AGBL4: variants seen among roughly 807,000 people sequenced by gnomAD.
The protein encoded by AGBL4 is cytosolic carboxypeptidase 6.
In AGBL4, 58 loss-of-function variants were observed where a neutral mutation model predicts 66.4. The observed-to-expected ratio is 0.87, with a 90% CI of 0.71 to 1.09. The LOEUF (loss-of-function observed/expected upper bound fraction) is 1.09. Among genes scored for constraint, AGBL4 ranks in the 50% least tolerant of loss-of-function variants. AGBL4 has a pLI of 0.00. For synonymous variants in AGBL4, 234 were observed against 222.9 expected (o/e 1.05, Z -0.44); for missense variants, 579 against 631.0 (o/e 0.92, Z 0.88).
intron 6 of AGBL4, among the ~76,000 whole-genome samples, chr1:48,714,145 C>T (rs1647010413): frequency 6.6e-6 from 1 of 152,180 alleles, no homozygotes; most frequent in Non-Finnish European, 1.5e-5. Flanking sequence ...ACTTCATAGG[C>T]CATCACCTGT....
At chr1:49,111,442 C>A (rs1185952866) in intron 4 of AGBL4, among the ~76,000 whole-genome samples, 5 of 152,154 alleles carry the variant, frequency 3.3e-5, no homozygotes, top group Non-Finnish European at 7.3e-5. Context: ...AATGTCTTTC[C>A]CACTAGAGGC....
intron 4 of AGBL4, among the ~76,000 whole-genome samples, chr1:49,064,139 C>T (rs1027227804): frequency 1.1e-4 from 16 of 152,168 alleles, no homozygotes; most frequent in African/African-American, 3.6e-4. Flanking sequence ...ATATAAACAC[C>T]AGTAGGCTAC....
chr1:49,620,601 A>G (rs1376876657), intron 3 of AGBL4, among the ~76,000 whole-genome samples: 1 of 152,200 alleles, frequency 6.6e-6, no homozygotes, highest in East Asian at 1.9e-4. Flanking sequence ...CATTTGACCA[A>G]GGTTTTGAAT....
chr1:48,679,972 G>A (rs1416792245), intron 6 of AGBL4, among the ~76,000 whole-genome samples: 1 of 152,190 alleles, frequency 6.6e-6, no homozygotes, highest in East Asian at 1.9e-4. Context: ...CCTGGGGAGA[G>A]ACTGCATCCT....
chr1:49,753,450 T>G (rs565939731), intron 2 of AGBL4, among the ~76,000 whole-genome samples: 137 of 152,354 alleles, frequency 9.0e-4, no homozygotes, highest in African/African-American at 3.2e-3. Flanking sequence ...GTTAGTCTGA[T>G]GGGCTTCCCT....
chr1:49,490,792 A>C (rs900637619), intron 3 of AGBL4, among the ~76,000 whole-genome samples: 1 of 151,812 alleles, frequency 6.6e-6, no homozygotes, highest in Admixed American at 6.6e-5. Flanking sequence ...TGTGCATTAC[A>C]TACTTCTTGC....
intron 1 of AGBL4, among the ~76,000 whole-genome samples, chr1:49,905,860 A>G (rs1229841717): frequency 6.6e-6 from 1 of 152,010 alleles, no homozygotes; most frequent in African/African-American, 2.4e-5. Flanking sequence ...TCATAACACC[A>G]CTTACTTCTT....
intron 2 of AGBL4, among the ~76,000 whole-genome samples, chr1:49,764,683 C>T (rs963209193): frequency 5.9e-5 from 9 of 152,102 alleles, no homozygotes; most frequent in Admixed American, 2.0e-4. Flanking sequence ...ACTACCAACA[C>T]CAACATCTAC....
At chr1:49,951,487 G>A (rs1005238288) in intron 1 of AGBL4, among the ~76,000 whole-genome samples, 2 of 151,914 alleles carry the variant, frequency 1.3e-5, no homozygotes, top group African/African-American at 4.8e-5. Context: ...CATCTGTCCA[G>A]CAACTGCCTG....
At chr1:49,468,356 A>G (rs939829159) in intron 3 of AGBL4, among the ~76,000 whole-genome samples, 4 of 151,864 alleles carry the variant, frequency 2.6e-5, no homozygotes, top group Non-Finnish European at 5.9e-5. Context: ...TTGGTCTCTC[A>G]GAGTATCAGC....
At chr1:49,166,993 G>A (rs1646647378) in intron 4 of AGBL4, among the ~76,000 whole-genome samples, 1 of 152,090 alleles carries the variant, frequency 6.6e-6, no homozygotes, top group African/African-American at 2.4e-5. Context: ...CAACAGTCTA[G>A]ATGACCACAC....
At chr1:48,924,164 AAGAT>A (rs1654328086) in intron 5 of AGBL4, among the ~76,000 whole-genome samples, 2 of 152,146 alleles carry the variant, frequency 1.3e-5, no homozygotes, top group African/African-American at 4.8e-5. Context: ...TCAAATTAGG[AAGAT>A]AGATATATAT....
At chr1:48,960,770 A>G (rs74076744) in intron 5 of AGBL4, among the ~76,000 whole-genome samples, 127 of 152,396 alleles carry the variant, frequency 8.3e-4, no homozygotes, top group African/African-American at 2.9e-3. Context: ...TAGAGTTAGT[A>G]GACGCAGGCT....
intron 5 of AGBL4, among the ~76,000 whole-genome samples, chr1:48,881,777 C>T (rs1274067717): frequency 6.6e-6 from 1 of 152,134 alleles, no homozygotes; most frequent in Non-Finnish European, 1.5e-5. Flanking sequence ...AAGAGCTGTG[C>T]CTCTTTCCAG....
chr1:49,080,625 G>A (rs538652092), intron 4 of AGBL4, among the ~76,000 whole-genome samples: 1 of 139,324 alleles, frequency 7.2e-6, no homozygotes, highest in South Asian at 2.3e-4. Context: ...AAAAAAGTTA[G>A]AGAGAGGAAT....
intron 1 of AGBL4, chr1:49,865,929 C>G (rs1161209471): frequency 2.5e-6 from 1 of 407,746 alleles, no homozygotes; most frequent in East Asian, 7.3e-5. Context: ...CCTGAAGGAG[C>G]TGAAAAACAC....
intron 3 of AGBL4, among the ~76,000 whole-genome samples, chr1:49,651,209 G>T (rs544599156): frequency 3.3e-5 from 5 of 152,120 alleles, no homozygotes; most frequent in Non-Finnish European, 7.4e-5. Flanking sequence ...TTGCAACAAG[G>T]GCATGATAGG....
rs1373135016 is a variant in AGBL4 at position 48,534,893 on chromosome 1, C to T, written c.1388G>A (p.Arg463Lys). ...TCATCTTGAAGCAGTTCCTTACCTT[C>T]TCTGGACTTCTATTTCTTTATTTCT... ...RLRNKEIEVQRRKEKSPPYKH... is the reference protein window; with the variant it reads ...RLRNKEIEVQKRKEKSPPYKH... The change falls in exon 13 of 14, where the codon AGA becomes AAA. Residue 463 changes from arginine (R) to lysine (K), a missense_variant. Transcript: ENST00000371839. The T allele has an allele frequency of 1.3e-6, 2 of 1,551,308 alleles. No homozygotes were observed. Among genetic ancestry groups the T allele is most frequent in the Non-Finnish European group, 1.7e-6 (2 of 1,146,796 alleles).
intron 3 of AGBL4, among the ~76,000 whole-genome samples, chr1:49,637,910 G>A (rs1645709582): frequency 6.6e-6 from 1 of 151,810 alleles, no homozygotes; most frequent in East Asian, 1.9e-4. Context: ...ACTTAAGAAA[G>A]AAATAATGGC....
Sources: gnomAD v4.1 joint callset for allele counts (sites outside exome capture counted in the v4.1 genomes callset) on GRCh38, gnomAD v4.1.1 for gene constraint, MANE v1.5 for transcripts, NCBI Gene and HGNC (gene_info 2026-07-23, HGNC 2026-07-21) for gene names.